Variants in SEC14L4 observed in about 807,000 individuals in gnomAD.
The protein encoded by SEC14L4 is SEC14 like lipid binding 4, also known as SEC14-like protein 4.
SEC14L4 carries 42 observed loss-of-function variants against 55.1 expected under a neutral mutation model. That is an observed-to-expected ratio of 0.76 (90% CI 0.60 to 0.99). SEC14L4 has a LOEUF of 0.99. Ranked by LOEUF, SEC14L4 falls within the 50% of genes least tolerant of loss-of-function variation. The pLI, the probability that SEC14L4 is intolerant of heterozygous loss-of-function variation, is 0.00. For missense variants in SEC14L4, 445 were observed against 512.1 expected (o/e 0.87, Z 1.27); for synonymous variants, 206 against 206.8 (o/e 1.00, Z 0.03).
chr22:30,503,268 G>GCT (rs1555878184), intron 2 of SEC14L4, among the ~76,000 whole-genome samples: 5 of 144,712 alleles, frequency 3.5e-5, no homozygotes, highest in Admixed American at 6.9e-5. Context: ...TTGTTTTTTT[G>GCT]TTTTTTTTTT....
In SEC14L4 at chr22:30,490,207, G is replaced by A. The variant is rs1223620038; in HGVS notation, c.1121C>T (p.Ala374Val). Residue 374 changes from alanine (A) to valine (V), a missense_variant, in exon 12 of 12, where the codon GCC becomes GTC. Coordinates refer to ENST00000255858, the MANE Select transcript of SEC14L4 (RefSeq NM_174977.4). ...RFDNTYSRMH[A>V]KKLSYTVEVL... ...CTCCACAGTGTAGCTGAGCTTCTTG[G>A]CATGCATCCGGCTGTAGGTGTTGTC... 3.1e-6 allele frequency: 5 copies of A among 1,614,086 alleles called. No homozygotes were observed. Among genetic ancestry groups the A allele is most frequent in the Non-Finnish European group, 4.2e-6 (5 of 1,180,028 alleles).
chr22:30,500,177 A>T (rs1326037479), intron 2 of SEC14L4, among the ~76,000 whole-genome samples: 1 of 152,142 alleles, frequency 6.6e-6, no homozygotes, highest in African/African-American at 2.4e-5. Context: ...GCCAACTGGT[A>T]TTAAAACTCT....
rs747793463 is a variant in SEC14L4, at chr22:30,490,242, G to A, written c.1086C>T (p.Val362=). Residue 362 remains valine (V), a synonymous_variant, in exon 12 of 12, where the codon GTC becomes GTT. Transcript: ENST00000255858. ...GGCTGTAGGTGTTGTCGAAGCGCAGGACATCTGCAGTGATGGAGAGGTGAT... is the reference window on the plus strand; with the variant it reads ...GGCTGTAGGTGTTGTCGAAGCGCAGAACATCTGCAGTGATGGAGAGGTGAT... ...SLTCLQAGVY[V]LRFDNTYSRM... is the part of the protein sequence containing the mutation. 6.2e-7 allele frequency: 1 copy of A among 1,613,158 alleles called. No homozygotes were observed. The highest frequency in any genetic ancestry group is 1.7e-5 in the Admixed American group (1 of 60,026).
intron 11 of SEC14L4, 110 bp from the exon 12 acceptor site, chr22:30,490,356 G>T: frequency 6.5e-7 from 1 of 1,538,878 alleles, no homozygotes; most frequent in Non-Finnish European, 8.8e-7. Context: ...TGCATCCCTG[G>T]AACGTCCTGC....
In SEC14L4 at chr22:30,495,264, T is replaced by G; in HGVS notation, c.413A>C (p.Gln138Pro). Residue 138 changes from glutamine (Q) to proline (P), a missense_variant, in exon 5 of 12, where the codon CAA becomes CCA. Physicochemically the swap from Gln to Pro is moderately conservative, Grantham distance 76. Transcript: ENST00000255858. Reference sequence around the variant, plus strand: ...ACCCCCGCTGCTCACCTTCTGAGTTTGCAGCTCACACTCATGCAACAGCAG... The same window carrying G: ...ACCCCCGCTGCTCACCTTCTGAGTTGGCAGCTCACACTCATGCAACAGCAG... ...CELLLHECEL[Q>P]TQKLGRKIEM... is the part of the protein sequence containing the mutation. 1 of 1,610,306 alleles carries G rather than the reference T, an allele frequency of 6.2e-7. No individual in the cohort carries two copies. The highest frequency in any genetic ancestry group is 1.1e-5 in the South Asian group (1 of 90,436).
intron 11 of SEC14L4, 102 bp downstream of exon 11, chr22:30,491,471 A>G: frequency 1.4e-6 from 2 of 1,407,438 alleles, no homozygotes; most frequent in Non-Finnish European, 9.9e-7. Flanking sequence ...GCTCCCCTGG[A>G]GCTTACAGAG....
intron 2 of SEC14L4, among the ~76,000 whole-genome samples, chr22:30,500,800 C>T (rs187989235): frequency 5.1e-5 from 6 of 116,780 alleles, no homozygotes; most frequent in South Asian, 2.9e-4. Context: ...ACCTACTATG[C>T]GCCAGGCTGA....
chr22:30,505,478 A>G (rs1601862116), intron 1 of SEC14L4, 80 bp downstream of exon 1: 1 of 1,394,256 alleles, frequency 7.2e-7, no homozygotes, highest in East Asian at 2.5e-5. Context: ...AGTCTGTACC[A>G]TGGGGGCTCC....
Position 30,492,118 on chromosome 22 carries a change from G to A in SEC14L4, c.702C>T (p.Pro234=), listed in dbSNP as rs548000109. 1.7e-5 allele frequency: 28 copies of A among 1,613,802 alleles called. No homozygotes were observed. Among genetic ancestry groups the A allele is most frequent in the South Asian group, 2.2e-5 (2 of 91,016 alleles). ...CCCCAAACTCCACAGGCAGCTGGTC[G>A]GGGCTGATGAATTTTGTCAGCTCCT... ...WKQELTKFIS[P]DQLPVEFGGT... The change falls in exon 9 of 12, where the codon CCC becomes CCT. Residue 234 remains proline, a synonymous_variant. Transcript: ENST00000255858.
rs1056003928 is a variant in SEC14L4, at chr22:30,491,675, G to C, written c.979C>G (p.Gln327Glu). Residue 327 changes from glutamine (Q) to glutamate (E), a missense_variant, in exon 11 of 12, where the codon CAG (glutamine) becomes GAG (glutamate). Gln to Glu is a conservative substitution (Grantham distance 29). Coordinates refer to ENST00000255858, the MANE Select transcript of SEC14L4 (RefSeq NM_174977.4). ...TCCGTCATCTCCCTAGCACTCTGCT[G>C]CTCCCCCATCTTGGTCTTCAGGAAA... is the stretch of plus-strand genomic sequence containing the variant. ...GVFLKTKMGE[Q>E]QSAREMTEVL... is the part of the protein sequence containing the mutation. 1.2e-6 allele frequency: 2 copies of C among 1,614,148 alleles called. No homozygotes were observed. The highest frequency in any genetic ancestry group is 2.2e-5 in the East Asian group (1 of 44,880).
At position 30,492,112 on chromosome 22, in the gene SEC14L4, C is replaced by G; in HGVS notation, c.708G>C (p.Gln236His). Residue 236 changes from glutamine to histidine, a missense_variant, in exon 9 of 12, where the codon CAG becomes CAC. Gln to His is a conservative substitution (Grantham distance 24). Transcript: ENST00000255858. ...QELTKFISPD[Q>H]LPVEFGGTMT... ...TGGTCCCCCCAAACTCCACAGGCAG[C>G]TGGTCGGGGCTGATGAATTTTGTCA... 6.2e-7 allele frequency: 1 copy of G among 1,613,852 alleles called. No homozygotes were observed. Among genetic ancestry groups the G allele is most frequent in the Non-Finnish European group, 8.5e-7 (1 of 1,179,836 alleles).
intron 7 of SEC14L4, chr22:30,492,772 GT>G (rs1936006820): frequency 3.9e-6 from 2 of 518,614 alleles, no homozygotes; most frequent in Non-Finnish European, 7.0e-6. Context: ...ACCTGGCACA[GT>G]TCCTGGCTTT....
At chr22:30,495,741 CCCAGGCTCTCAG>C (rs1463124644) in intron 3 of SEC14L4, 99 bp from the exon 4 acceptor site, 8 of 1,609,332 alleles carry the variant, frequency 5.0e-6, no homozygotes, top group Non-Finnish European at 6.8e-6. Flanking sequence ...CCACAGCATA[CCCAGGCTCTCAG>C]AGCGTGGGGA....
rs376274453 is a variant in SEC14L4, at chr22:30,502,270, G to A, written c.130+1407C>T. 6.6e-5 allele frequency among the ~76,000 whole-genome samples: 10 copies of A among 152,236 alleles called. No individual in the cohort carries two copies. In the East Asian group the frequency reaches 1.4e-3, roughly 21 times the overall value. ...TTTCTCAGGTACTGTGTGCATCTGC[G>A]ACCTCATTTGACTCACAGCGCCCTG... On this transcript the variant is annotated intron_variant, in intron 2 of 11. Coordinates refer to ENST00000255858, the MANE Select transcript of SEC14L4 (RefSeq NM_174977.4).
intron 1 of SEC14L4, 36 bp downstream of exon 1, chr22:30,505,522 C>A: frequency 1.9e-6 from 3 of 1,548,832 alleles, no homozygotes; most frequent in Non-Finnish European, 2.6e-6. Flanking sequence ...TGCTCAGGGC[C>A]CCTCCTCAAG....
At chr22:30,498,611 T>C (rs1041401328) in intron 2 of SEC14L4, among the ~76,000 whole-genome samples, 1 of 152,218 alleles carries the variant, frequency 6.6e-6, no homozygotes, top group Middle Eastern at 3.2e-3. Context: ...GTAATGTTGA[T>C]TGATTGATTC....
Position 30,492,175 on chromosome 22 carries a change from G to A in SEC14L4, c.665-20C>T. Reference sequence around the variant, plus strand: ...AGTTGTCTGCATGGGAGCAAGAGAGGGACTCCAAAGGGACTCAGGAGACTC... The same window carrying A: ...AGTTGTCTGCATGGGAGCAAGAGAGAGACTCCAAAGGGACTCAGGAGACTC... On this transcript the variant is annotated intron_variant, in intron 8 of 11. Coordinates refer to ENST00000255858, the MANE Select transcript of SEC14L4 (RefSeq NM_174977.4). 6.3e-7 allele frequency: 1 copy of A among 1,592,214 alleles called. No individual in the cohort carries two copies. Among genetic ancestry groups the A allele is most frequent in the Non-Finnish European group, 8.6e-7 (1 of 1,167,862 alleles).
At chr22:30,502,242 C>G (rs371940740) in intron 2 of SEC14L4, among the ~76,000 whole-genome samples, 6 of 152,264 alleles carry the variant, frequency 3.9e-5, no homozygotes, top group African/African-American at 9.6e-5. Flanking sequence ...GTAGGGACTT[C>G]CTTTTCTCAG....
chr22:30,495,875 TC>T, intron 3 of SEC14L4, 52 bp downstream of exon 3: 1 of 1,595,942 alleles, frequency 6.3e-7, no homozygotes, highest in South Asian at 1.1e-5. Context: ...TTGCAGCAAA[TC>T]CCTGGGTCAC....
Sources: allele counts gnomAD v4.1 joint callset (sites outside exome capture counted in the v4.1 genomes callset), GRCh38; gene constraint gnomAD v4.1.1; transcripts MANE v1.5; gene names NCBI Gene and HGNC (gene_info 2026-07-23, HGNC 2026-07-21).